LRRC4C: variants seen among roughly 807,000 people sequenced by gnomAD.
LRRC4C encodes leucine rich repeat containing 4C, also known as leucine-rich repeat-containing protein 4C.
Under a neutral mutation model 33.6 loss-of-function variants are expected in LRRC4C, and 5 were observed. That is an observed-to-expected ratio of 0.15 (90% CI 0.08 to 0.31). LRRC4C has a LOEUF of 0.31. Ranked by LOEUF, LRRC4C falls within the 10% of genes least tolerant of loss-of-function variation. LRRC4C has a pLI of 1.00. For missense variants in LRRC4C, 560 were observed against 796.7 expected (o/e 0.70, Z 3.58); for synonymous variants, 329 against 302.0 (o/e 1.09, Z -0.93).
chr11:40,659,126 G>T (rs1293106497), intron 2 of LRRC4C, among the ~76,000 whole-genome samples: 1 of 152,218 alleles, frequency 6.6e-6, no homozygotes, highest in Non-Finnish European at 1.5e-5. Flanking sequence ...CCTGTGTCTG[G>T]CCTCTCCCTG....
At chr11:40,588,153 A>C (rs1336361987) in intron 3 of LRRC4C, among the ~76,000 whole-genome samples, 2 of 150,458 alleles carry the variant, frequency 1.3e-5, no homozygotes, top group African/African-American at 4.9e-5. Flanking sequence ...ACAATTTCAG[A>C]TCCTGTTATT....
chr11:41,419,072 C>T (rs561128581), intron 1 of LRRC4C, among the ~76,000 whole-genome samples: 1 of 151,700 alleles, frequency 6.6e-6, no homozygotes, highest in East Asian at 1.9e-4. Context: ...TGAGAAGTTG[C>T]AATTAAGAAA....
At chr11:40,315,312 C>A (rs927726084) in intron 4 of LRRC4C, among the ~76,000 whole-genome samples, 2 of 151,824 alleles carry the variant, frequency 1.3e-5, no homozygotes, top group Admixed American at 1.3e-4. Flanking sequence ...CATTTTTATC[C>A]TTTAAATAGC....
At chr11:40,579,428 A>G (rs1457792024) in intron 3 of LRRC4C, among the ~76,000 whole-genome samples, 1 of 151,574 alleles carries the variant, frequency 6.6e-6, no homozygotes. Context: ...ATAACAGTTT[A>G]TGGTGGTCTC....
intron 5 of LRRC4C, among the ~76,000 whole-genome samples, chr11:40,219,621 G>A (rs1045454418): frequency 6.6e-6 from 1 of 152,078 alleles, no homozygotes; most frequent in African/African-American, 2.4e-5. Flanking sequence ...TATGCTCAGT[G>A]AAATAAGCCA....
At chr11:40,630,077 A>C (rs1963320418) in intron 3 of LRRC4C, among the ~76,000 whole-genome samples, 1 of 152,088 alleles carries the variant, frequency 6.6e-6, no homozygotes, top group African/African-American at 2.4e-5. Flanking sequence ...TTTTGAAGCA[A>C]GGCTTTATTA....
At chr11:41,286,575 T>C (rs1035809195) in intron 1 of LRRC4C, among the ~76,000 whole-genome samples, 3 of 151,984 alleles carry the variant, frequency 2.0e-5, no homozygotes, top group African/African-American at 7.2e-5. Flanking sequence ...GATGGTAATA[T>C]AATTTTAAGA....
At chr11:40,331,641 T>G (rs1031271864) in intron 3 of LRRC4C, among the ~76,000 whole-genome samples, 4 of 152,140 alleles carry the variant, frequency 2.6e-5, no homozygotes, top group African/African-American at 9.7e-5. Context: ...ACTGGTTGAG[T>G]GCCCTAATAT....
intron 1 of LRRC4C, among the ~76,000 whole-genome samples, chr11:41,112,635 T>A (rs1476848414): frequency 6.6e-6 from 1 of 152,056 alleles, no homozygotes; most frequent in East Asian, 1.9e-4. Context: ...TACCCCACTG[T>A]CATTTTATAA....
intron 1 of LRRC4C, among the ~76,000 whole-genome samples, chr11:41,354,512 GA>G (rs935948761): frequency 2.0e-5 from 3 of 151,716 alleles, no homozygotes; most frequent in African/African-American, 4.8e-5. Context: ...ATAGAATTAG[GA>G]AAAAAAGATA....
intron 3 of LRRC4C, among the ~76,000 whole-genome samples, chr11:40,582,875 T>C (rs1958537072): frequency 6.6e-6 from 1 of 152,106 alleles, no homozygotes; most frequent in Non-Finnish European, 1.5e-5. Context: ...GAGTACATGA[T>C]ATGTTTTGAT....
chr11:40,178,057 A>G (rs546978383), intron 5 of LRRC4C, among the ~76,000 whole-genome samples: 2 of 152,316 alleles, frequency 1.3e-5, no homozygotes, highest in African/African-American at 2.4e-5. Context: ...GATCCTGACA[A>G]GAGTATAGGG....
At chr11:41,041,945 T>C (rs1057409167) in intron 1 of LRRC4C, among the ~76,000 whole-genome samples, 1 of 152,188 alleles carries the variant, frequency 6.6e-6, no homozygotes, top group Non-Finnish European at 1.5e-5. Flanking sequence ...CTTCTGCAGC[T>C]GTACTATGTT....
chr11:40,253,024 A>T (rs1261865510), intron 4 of LRRC4C, among the ~76,000 whole-genome samples: 1 of 152,192 alleles, frequency 6.6e-6, no homozygotes, highest in African/African-American at 2.4e-5. Flanking sequence ...TGAAGAGAAA[A>T]TAATTTTGGA....
At chr11:40,696,772 A>ATATATATC (rs1555147711) in intron 2 of LRRC4C, among the ~76,000 whole-genome samples, 4 of 146,138 alleles carry the variant, frequency 2.7e-5, no homozygotes, top group African/African-American at 7.6e-5. Flanking sequence ...ATATATATAT[A>ATATATATC]TATCTGAGTA....
At chr11:40,441,807 TGGGTAAAA>T (rs1218525038) in intron 3 of LRRC4C, among the ~76,000 whole-genome samples, 2 of 152,056 alleles carry the variant, frequency 1.3e-5, no homozygotes, top group Non-Finnish European at 2.9e-5. Context: ...TGGAAAGTGT[TGGGTAAAA>T]GTAATGGTAG....
chr11:40,872,132 G>A (rs560356668), intron 2 of LRRC4C, among the ~76,000 whole-genome samples: 1 of 152,144 alleles, frequency 6.6e-6, no homozygotes, highest in East Asian at 1.9e-4. Flanking sequence ...TGACAACTAG[G>A]CATCGGGACA....
intron 2 of LRRC4C, among the ~76,000 whole-genome samples, chr11:40,716,852 G>A (rs889786893): frequency 2.0e-5 from 3 of 152,106 alleles, no homozygotes; most frequent in African/African-American, 7.2e-5. Context: ...ATTTTACAGG[G>A]TTTCAGGGAG....
intron 1 of LRRC4C, among the ~76,000 whole-genome samples, chr11:41,405,434 A>G (rs1404421976): frequency 2.6e-5 from 4 of 152,176 alleles, no homozygotes; most frequent in Admixed American, 2.6e-4. Context: ...ATAGATAATT[A>G]ATATTCAATC....
Sources: allele counts gnomAD v4.1 joint callset (sites outside exome capture counted in the v4.1 genomes callset), GRCh38; gene constraint gnomAD v4.1.1; transcripts MANE v1.5; gene names NCBI Gene and HGNC (gene_info 2026-07-23, HGNC 2026-07-21).